Variants in CFAP276 observed in about 807,000 individuals in gnomAD.
The protein encoded by CFAP276 is cilia and flagella associated protein 276, also known as cilia- and flagella-associated protein 276.
chr1:109,106,530 C>T, the CFAP276 span: 2 of 1,613,662 alleles, frequency 1.2e-6, no homozygotes, highest in Admixed American at 3.3e-5. Flanking sequence ...TCCTCTAACC[C>T]TTACCTATGG....
the CFAP276 span, chr1:109,112,753 C>T: frequency 6.5e-7 from 1 of 1,531,304 alleles, no homozygotes; most frequent in Non-Finnish European, 8.8e-7. Flanking sequence ...GGCATAAGAT[C>T]CCGGGTCCCA....
the CFAP276 span, among the ~76,000 whole-genome samples, chr1:109,113,293 T>G: frequency 1.3e-5 from 2 of 151,708 alleles, no homozygotes; most frequent in Non-Finnish European, 2.9e-5. Flanking sequence ...CTCGGGAGGC[T>G]AATCCAGGAG....
the CFAP276 span, chr1:109,107,889 G>T: frequency 4.6e-6 from 7 of 1,535,426 alleles, no homozygotes; most frequent in South Asian, 2.3e-5. Flanking sequence ...CTAAACGGCT[G>T]CAAAGAGGAA....
chr1:109,112,060 C>A, the CFAP276 span, among the ~76,000 whole-genome samples: 3 of 152,188 alleles, frequency 2.0e-5, no homozygotes, highest in Non-Finnish European at 4.4e-5. Flanking sequence ...CCACTTAATT[C>A]ATCTTATTGT....
the CFAP276 span, chr1:109,112,517 T>C: frequency 6.6e-7 from 1 of 1,519,650 alleles, no homozygotes; most frequent in Non-Finnish European, 8.8e-7. Context: ...GAGTCCTTTA[T>C]GTTACCATCT....
the CFAP276 span, chr1:109,112,724 GC>G: frequency 6.5e-7 from 1 of 1,546,148 alleles, no homozygotes; most frequent in East Asian, 2.4e-5. Context: ...GGCCCGCTCA[GC>G]CGCAGCACAG....
the CFAP276 span, chr1:109,113,780 C>A: frequency 3.8e-6 from 5 of 1,309,110 alleles, no homozygotes; most frequent in Non-Finnish European, 5.5e-6. Flanking sequence ...TGTTGGCTGG[C>A]TTGGAGGATG....
chr1:109,106,782 G>T, the CFAP276 span: 20 of 1,208,998 alleles, frequency 1.7e-5, no homozygotes, highest in African/African-American at 3.0e-5. Flanking sequence ...ACCTCTGTGG[G>T]ATTAACCAAA....
At chr1:109,112,869 C>T in the CFAP276 span, 1 of 920,972 alleles carries the variant, frequency 1.1e-6, no homozygotes, top group Non-Finnish European at 1.5e-6. Flanking sequence ...ACGGGAGGCC[C>T]CTGGGGAGGA....
At chr1:109,112,521 A>G in the CFAP276 span, 1 of 1,526,270 alleles carries the variant, frequency 6.6e-7, no homozygotes. Context: ...CCTTTATGTT[A>G]CCATCTCTGC....
At chr1:109,106,092 G>A in the CFAP276 span, 4 of 1,611,814 alleles carry the variant, frequency 2.5e-6, no homozygotes, top group Non-Finnish European at 3.4e-6. Flanking sequence ...TGCAGTGTGA[G>A]GGGACACTGT....
At chr1:109,109,535 T>C in the CFAP276 span, among the ~76,000 whole-genome samples, 2 of 86,100 alleles carry the variant, frequency 2.3e-5, no homozygotes, top group African/African-American at 1.5e-4. Flanking sequence ...AGCCATACCT[T>C]TTTTTTTTTT....
chr1:109,107,271 A>G, the CFAP276 span: 3 of 639,020 alleles, frequency 4.7e-6, no homozygotes, highest in Admixed American at 2.9e-5. Flanking sequence ...AAATTGTTGT[A>G]TATGATAACT....
the CFAP276 span, among the ~76,000 whole-genome samples, chr1:109,108,905 G>A: frequency 6.6e-6 from 1 of 152,168 alleles, no homozygotes; most frequent in African/African-American, 2.4e-5. Flanking sequence ...GTGAGAAAAA[G>A]ATTCCAATAA....
chr1:109,113,446 GA>G, the CFAP276 span, among the ~76,000 whole-genome samples: 32 of 147,202 alleles, frequency 2.2e-4, 4 homozygotes, highest in African/African-American at 4.0e-4. Context: ...GAGAGAGAGA[GA>G]GAGAGAGAGA....
chr1:109,106,043 G>A, the CFAP276 span: 18 of 1,613,502 alleles, frequency 1.1e-5, no homozygotes, highest in Non-Finnish European at 1.4e-5. Context: ...TGGAGAAGAA[G>A]CCACCATCTT....
chr1:109,113,703 C>A, the CFAP276 span: 1 of 1,613,714 alleles, frequency 6.2e-7, no homozygotes, highest in African/African-American at 1.3e-5. Context: ...TCACACGCCA[C>A]GTGTGCAACA....
At chr1:109,108,125 A>T in the CFAP276 span, 4 of 935,892 alleles carry the variant, frequency 4.3e-6, no homozygotes, top group Non-Finnish European at 6.8e-6. Context: ...CCCTTATTCC[A>T]TCCAGTTTTG....
At chr1:109,112,126 G>A in the CFAP276 span, among the ~76,000 whole-genome samples, 3 of 152,232 alleles carry the variant, frequency 2.0e-5, no homozygotes, top group African/African-American at 4.8e-5. Context: ...TCTAAGTTCC[G>A]AAATCAGTGT....
Sources: allele counts gnomAD v4.1 joint callset (sites outside exome capture counted in the v4.1 genomes callset), GRCh38; gene constraint gnomAD v4.1.1; transcripts MANE v1.5; gene names NCBI Gene and HGNC (gene_info 2026-07-23, HGNC 2026-07-21).